The following ZNF385B variants were observed in gnomAD, a reference collection of about 807,000 sequenced individuals.
ZNF385B encodes zinc finger protein 533.
In ZNF385B, 23 loss-of-function variants were observed where a neutral mutation model predicts 39.2. The observed-to-expected ratio is 0.59, with a 90% CI of 0.42 to 0.83. The LOEUF (loss-of-function observed/expected upper bound fraction) is 0.83. Ranked by LOEUF, ZNF385B falls within the 40% of genes least tolerant of loss-of-function variation. The pLI, the probability that ZNF385B is intolerant of heterozygous loss-of-function variation, is 0.00. For missense variants in ZNF385B, 552 were observed against 598.9 expected (o/e 0.92, Z 0.82); for synonymous variants, 205 against 222.6 (o/e 0.92, Z 0.70).
At chr2:179,486,911 G>T (rs550735752) in intron 5 of ZNF385B, among the ~76,000 whole-genome samples, 1 of 151,774 alleles carries the variant, frequency 6.6e-6, no homozygotes, top group African/African-American at 2.4e-5. Flanking sequence ...ATGAGACTCC[G>T]TCTCAAAAAA....
chr2:179,835,640 G>A (rs1708209591), intron 1 of ZNF385B, among the ~76,000 whole-genome samples: 1 of 151,936 alleles, frequency 6.6e-6, no homozygotes, highest in Admixed American at 6.6e-5. Context: ...TCACCCTTAT[G>A]CATTAGTCCC....
chr2:179,623,074 G>T (rs1690352159), intron 3 of ZNF385B, among the ~76,000 whole-genome samples: 2 of 152,196 alleles, frequency 1.3e-5, no homozygotes, highest in African/African-American at 4.8e-5. Flanking sequence ...CTAAGAAGTT[G>T]TGATGCACTT....
rs546725946 is a variant in ZNF385B, at chr2:179,706,216, G to T, written c.298+63287C>A. Among the ~76,000 whole-genome samples, 3 of 152,270 alleles carry T rather than the reference G, an allele frequency of 2.0e-5. No individual in the cohort carries two copies. In the East Asian group the frequency reaches 5.8e-4, roughly 29 times the overall value. ...AGTCCCCTTTTTGGGTTAAATGAAG[G>T]TTGCCAGGTAGAGGTTTTTGTAGAG... On this transcript the variant is annotated intron_variant, in intron 3 of 9. Coordinates refer to ENST00000410066, the MANE Select transcript of ZNF385B (RefSeq NM_152520.6).
At chr2:179,781,574 C>G (rs982458642) in intron 1 of ZNF385B, among the ~76,000 whole-genome samples, 2 of 152,024 alleles carry the variant, frequency 1.3e-5, no homozygotes, top group Non-Finnish European at 2.9e-5. Flanking sequence ...CTTCATGACT[C>G]TGGAGTAGGC....
At chr2:179,611,554 C>T (rs1574977148) in intron 3 of ZNF385B, among the ~76,000 whole-genome samples, 2 of 152,202 alleles carry the variant, frequency 1.3e-5, no homozygotes, top group Admixed American at 6.5e-5. Flanking sequence ...ATACTGGCCT[C>T]GTGGAATGAG....
intron 1 of ZNF385B, among the ~76,000 whole-genome samples, chr2:179,779,314 T>C (rs1488552942): frequency 1.3e-5 from 2 of 152,148 alleles, no homozygotes; most frequent in African/African-American, 4.8e-5. Flanking sequence ...AGATGGCAGA[T>C]GTGACAAACT....
intron 3 of ZNF385B, among the ~76,000 whole-genome samples, chr2:179,636,790 G>A (rs1285353327): frequency 6.6e-6 from 1 of 152,046 alleles, no homozygotes; most frequent in Admixed American, 6.6e-5. Flanking sequence ...CTCTTTGACT[G>A]CATCCTCAGG....
chr2:179,538,067 T>C (rs149984369), intron 4 of ZNF385B, among the ~76,000 whole-genome samples: 1 of 152,230 alleles, frequency 6.6e-6, no homozygotes, highest in Admixed American at 6.5e-5. Flanking sequence ...TTTAAAAGCA[T>C]GTCACAAAAA....
chr2:179,746,289 T>A (rs1038667582), intron 3 of ZNF385B, among the ~76,000 whole-genome samples: 1 of 152,142 alleles, frequency 6.6e-6, no homozygotes, highest in Non-Finnish European at 1.5e-5. Flanking sequence ...AAATCAGTAG[T>A]CTATATTACG....
chr2:179,449,839 T>C (rs767038926), intron 6 of ZNF385B, among the ~76,000 whole-genome samples: 158 of 152,260 alleles, frequency 1.0e-3, no homozygotes, highest in Non-Finnish European at 1.9e-3. Flanking sequence ...TCATGCTACC[T>C]GACTTCAAAC....
chr2:179,766,643 T>A (rs954143163), intron 3 of ZNF385B, among the ~76,000 whole-genome samples: 4 of 152,156 alleles, frequency 2.6e-5, no homozygotes, highest in African/African-American at 9.7e-5. Flanking sequence ...TTTCCGTTTT[T>A]TTGTAAGGTT....
At chr2:179,548,292 T>C (rs531415790) in intron 3 of ZNF385B, among the ~76,000 whole-genome samples, 3 of 149,820 alleles carry the variant, frequency 2.0e-5, no homozygotes, top group East Asian at 1.9e-4. Flanking sequence ...GAGTAGAAGA[T>C]TTATAATGCT....
chr2:179,736,530 A>G (rs1225420536), intron 3 of ZNF385B, among the ~76,000 whole-genome samples: 1 of 152,234 alleles, frequency 6.6e-6, no homozygotes, highest in Non-Finnish European at 1.5e-5. Context: ...TAATCGTATT[A>G]CACAGAAAGC....
At chr2:179,589,622 C>T (rs762458571) in intron 3 of ZNF385B, among the ~76,000 whole-genome samples, 1 of 152,122 alleles carries the variant, frequency 6.6e-6, no homozygotes, top group South Asian at 2.1e-4. Context: ...TTGTATATAC[C>T]CACTGATGCT....
At chr2:179,646,829 T>C (rs1575079663) in intron 3 of ZNF385B, among the ~76,000 whole-genome samples, 1 of 152,338 alleles carries the variant, frequency 6.6e-6, no homozygotes, top group African/African-American at 2.4e-5. Context: ...AAGAGTGTCC[T>C]ACTCTGGGGA....
chr2:179,639,586 A>G (rs140244522), intron 3 of ZNF385B, among the ~76,000 whole-genome samples: 255 of 152,304 alleles, frequency 1.7e-3, no homozygotes, highest in Non-Finnish European at 3.0e-3. Flanking sequence ...TAATAGTAAA[A>G]AAGAAAAAAT....
intron 3 of ZNF385B, among the ~76,000 whole-genome samples, chr2:179,762,429 T>C (rs1703458320): frequency 2.0e-5 from 3 of 152,124 alleles, no homozygotes; most frequent in African/African-American, 7.2e-5. Context: ...TGACCTCAGG[T>C]GCTATGCCCA....
At position 179,553,482 on chromosome 2, in the gene ZNF385B, G is replaced by A. The variant is rs143135241; in HGVS notation, c.299-8513C>T. ...GAGATTTTACTGCATGCCAGGTAAC[G>A]TGCTAAGTGATTTATGTCCCTTATT... On this transcript the variant is annotated intron_variant, in intron 3 of 9. Coordinates refer to ENST00000410066, the MANE Select transcript of ZNF385B (RefSeq NM_152520.6). Among the ~76,000 whole-genome samples, 1,035 of 148,874 alleles carry A rather than the reference G, an allele frequency of 7.0e-3. 122 individuals are homozygous for A. Among genetic ancestry groups the A allele is most frequent in the African/African-American group, 0.024 (965 of 39,496 alleles).
At chr2:179,737,472 T>C (rs1472752221) in intron 3 of ZNF385B, among the ~76,000 whole-genome samples, 1 of 152,104 alleles carries the variant, frequency 6.6e-6, no homozygotes, top group Non-Finnish European at 1.5e-5. Flanking sequence ...CCATCTAACT[T>C]GTGTCTCCTG....
Sources: gnomAD v4.1 joint callset for allele counts (sites outside exome capture counted in the v4.1 genomes callset) on GRCh38, gnomAD v4.1.1 for gene constraint, MANE v1.5 for transcripts, NCBI Gene and HGNC (gene_info 2026-07-23, HGNC 2026-07-21) for gene names.